TSBP1: variants seen among roughly 807,000 people sequenced by gnomAD.
The protein encoded by TSBP1 is testis expressed basic protein 1.
TSBP1 carries 56 observed loss-of-function variants against 68.8 expected under a neutral mutation model. That is an observed-to-expected ratio of 0.81 (90% CI 0.66 to 1.02). TSBP1 has a LOEUF of 1.02. Ranked by LOEUF, TSBP1 falls within the 50% of genes least tolerant of loss-of-function variation. The pLI, the probability that TSBP1 is intolerant of heterozygous loss-of-function variation, is 0.00. For synonymous variants in TSBP1, 171 were observed against 208.7 expected, an observed-to-expected ratio of 0.82 and a Z score of 1.56; for missense variants, 502 against 641.2, an observed-to-expected ratio of 0.78 and a Z score of 2.34.
intron 16 of TSBP1, chr6:32,324,810 A>G: frequency 3.2e-6 from 4 of 1,266,530 alleles, no homozygotes; most frequent in Non-Finnish European, 4.3e-6. Flanking sequence ...AAGGCACTAG[A>G]AATTTCCAGA....
chr6:32,309,081 C>G (rs1422315413), intron 19 of TSBP1, among the ~76,000 whole-genome samples: 1 of 151,292 alleles, frequency 6.6e-6, no homozygotes, highest in Non-Finnish European at 1.5e-5. Flanking sequence ...TACTGAGTAG[C>G]TGTGACTACA....
chr6:32,369,636 T>G (rs1774166674), intron 2 of TSBP1, among the ~76,000 whole-genome samples: 1 of 152,028 alleles, frequency 6.6e-6, no homozygotes, highest in African/African-American at 2.4e-5. Flanking sequence ...CCCAAAGTGC[T>G]GGGATTACAG....
chr6:32,316,384 T>G lies in TSBP1; in HGVS notation c.560-592A>C, dbSNP rs1766955716. On this transcript the variant is annotated intron_variant, in intron 18 of 22. Coordinates refer to ENST00000612031, the Ensembl canonical transcript of TSBP1. This position sits in a 1 kb window ranked among gnomAD's most constrained non-coding sequence, Gnocchi z 4.5. ...GAGAACCAAAGTAGAAAAAGACATGTAATACTTACTTATAGGTGCTGCCAG... is the reference window on the plus strand; with the variant it reads ...GAGAACCAAAGTAGAAAAAGACATGGAATACTTACTTATAGGTGCTGCCAG... 1 of 1,570,792 alleles carries G rather than the reference T, an allele frequency of 6.4e-7. No homozygotes were observed. The highest frequency in any genetic ancestry group is 8.7e-7 in the Non-Finnish European group (1 of 1,155,672).
intron 9 of TSBP1, among the ~76,000 whole-genome samples, chr6:32,345,575 A>G: frequency 6.6e-6 from 1 of 151,770 alleles, no homozygotes; most frequent in Non-Finnish European, 1.5e-5. Context: ...AGGATTTATA[A>G]TATCTACTTT....
chr6:32,356,717 C>T (rs878915024), intron 6 of TSBP1: 4 of 140,690 alleles, frequency 2.8e-5, no homozygotes, highest in African/African-American at 1.2e-4. Flanking sequence ...AAGACTCTGT[C>T]TCAATGAAAA....
chr6:32,365,835 CAAT>C lies in TSBP1; in HGVS notation c.217+329_217+331del, dbSNP rs1773637390. The C allele has an allele frequency of 4.5e-6, 2 of 448,398 alleles. No homozygotes were observed. Among genetic ancestry groups the C allele is most frequent in the Non-Finnish European group, 8.7e-6 (2 of 230,468 alleles). The allele number at this position is 448,398 out of a possible 1,614,324, so 27.8% of individuals were successfully genotyped here. A position where few individuals can be genotyped will look rare whatever the true frequency, so the allele number is the denominator to read the frequency against. ...TCTCTGCTGGACTCCTGGACTCCCACAATGGTATTGTCTCATCTGTGGATAGTT... is the reference window on the plus strand; with the variant it reads ...TCTCTGCTGGACTCCTGGACTCCCACGGTATTGTCTCATCTGTGGATAGTT... On this transcript the variant is annotated intron_variant, in intron 6 of 22. Coordinates refer to ENST00000612031, the Ensembl canonical transcript of TSBP1. The surrounding 1 kb of genome is among the most constrained non-coding windows in gnomAD (Gnocchi z 4.3).
intron 6 of TSBP1, among the ~76,000 whole-genome samples, chr6:32,362,417 A>T (rs1255011035): frequency 6.6e-6 from 1 of 152,200 alleles, no homozygotes; most frequent in Non-Finnish European, 1.5e-5. Flanking sequence ...CTTGCGCCAC[A>T]TGCGCCCCCT....
chr6:32,330,234 C>A (rs1768803325), intron 16 of TSBP1, among the ~76,000 whole-genome samples: 1 of 152,112 alleles, frequency 6.6e-6, no homozygotes. Context: ...TTTCTCATTT[C>A]CTCCTCATTG....
intron 4 of TSBP1, among the ~76,000 whole-genome samples, chr6:32,366,814 T>G (rs915090735): frequency 7.1e-6 from 1 of 140,768 alleles, no homozygotes; most frequent in African/African-American, 2.5e-5. Context: ...ATCCAACTAC[T>G]AAAAGATTTG....
At position 32,349,737 on chromosome 6, in the gene TSBP1, T is replaced by TA; in HGVS notation, c.349+2dup. The TA allele has an allele frequency of 1.3e-6, 2 of 1,565,916 alleles. No homozygotes were observed. The highest frequency in any genetic ancestry group is 1.8e-6 in the Non-Finnish European group (2 of 1,137,458). ...AGAATTGAAGAAAAGTAAAGGAACT[T>TA]ACCAATACTTGATCGAGACAGTGCT... On this transcript the variant is annotated splice_region_variant and intron_variant, in intron 9 of 22. Coordinates refer to ENST00000612031, the Ensembl canonical transcript of TSBP1.
intron 4 of TSBP1, among the ~76,000 whole-genome samples, 200 bp downstream of exon 4, chr6:32,367,725 C>A (rs1773916383): frequency 6.6e-6 from 1 of 152,028 alleles, no homozygotes; most frequent in African/African-American, 2.4e-5. Flanking sequence ...TTTTGATGGT[C>A]TTAAGAAGGA....
intron 3 of TSBP1, 42 bp downstream of exon 3, chr6:32,368,740 A>G (rs6903816): frequency 0.23 from 348,319 of 1,515,902 alleles, 45,857 homozygotes; most frequent in East Asian, 0.48. Context: ...TGAAAATTCT[A>G]TAAGTACTAT....
chr6:32,340,258 GA>G lies in TSBP1; in HGVS notation c.350-621del, dbSNP rs1770183616. On this transcript the variant is annotated intron_variant, in intron 9 of 22. Coordinates refer to ENST00000612031, the Ensembl canonical transcript of TSBP1. The surrounding 1 kb of genome is among the most constrained non-coding windows in gnomAD (Gnocchi z 4.8). ...ATAACCAATCATATTTTAAGATGTT[GA>G]AAATTTTGCAATTTTTTTTCTTAAA... is the stretch of plus-strand genomic sequence containing the variant. Among the ~76,000 whole-genome samples, 2 of 152,006 alleles carry G rather than the reference GA, an allele frequency of 1.3e-5. No homozygotes were observed. Among genetic ancestry groups the G allele is most frequent in the South Asian group, 4.2e-4 (2 of 4,816 alleles).
chr6:32,312,408 C>T (rs769524821), intron 19 of TSBP1, among the ~76,000 whole-genome samples: 29 of 152,018 alleles, frequency 1.9e-4, no homozygotes, highest in Non-Finnish European at 3.1e-4. Context: ...GTGCCTGAGA[C>T]GGGCCATTAG....
chr6:32,317,995 AAC>A (rs1767158979), intron 18 of TSBP1, among the ~76,000 whole-genome samples: 1 of 152,172 alleles, frequency 6.6e-6, no homozygotes, highest in Non-Finnish European at 1.5e-5. Context: ...ATCATAAAGA[AAC>A]ACACGTGTGT....
In TSBP1 at chr6:32,321,274, C is replaced by CT. The variant is rs773410244; in HGVS notation, c.559+1842dup. Among the ~76,000 whole-genome samples, 95 of 152,132 alleles carry CT rather than the reference C, an allele frequency of 6.2e-4. No individual in the cohort carries two copies. The highest frequency in any genetic ancestry group is 1.1e-3 in the Non-Finnish European group (72 of 67,978). ...TATAATCCCTAGTTACTTTTGCGTG[C>CT]TTTTTTTCATCCCCTCTACTAGGAT... is the stretch of plus-strand genomic sequence containing the variant. On this transcript the variant is annotated intron_variant, in intron 18 of 22. Coordinates refer to ENST00000612031, the Ensembl canonical transcript of TSBP1. The surrounding 1 kb of genome is among the most constrained non-coding windows in gnomAD (Gnocchi z 4.3).
chr6:32,332,760 C>G (rs1769193366), intron 14 of TSBP1, among the ~76,000 whole-genome samples: 1 of 152,016 alleles, frequency 6.6e-6, no homozygotes, highest in Non-Finnish European at 1.5e-5. Context: ...CAGCTGCATG[C>G]CACTATTCCT....
In TSBP1 at chr6:32,315,814, A is replaced by T; in HGVS notation, c.560-22T>A. The T allele has an allele frequency of 6.9e-7, 1 of 1,449,882 alleles. No individual in the cohort carries two copies. Among genetic ancestry groups the T allele is most frequent in the South Asian group, 1.2e-5 (1 of 80,230 alleles). The allele number at this position is 1,449,882 out of a possible 1,614,324, so 89.8% of individuals were successfully genotyped here. A position where few individuals can be genotyped will look rare whatever the true frequency, so the allele number is the denominator to read the frequency against. On this transcript the variant is annotated intron_variant, in intron 18 of 22. Coordinates refer to ENST00000612031, the Ensembl canonical transcript of TSBP1. The surrounding 1 kb of genome is among the most constrained non-coding windows in gnomAD (Gnocchi z 5.4). ...ATTACTAAAAAATAAGCAAAAAGAAATCCATTTAATTTTTCTCAAATGGAG... is the reference window on the plus strand; with the variant it reads ...ATTACTAAAAAATAAGCAAAAAGAATTCCATTTAATTTTTCTCAAATGGAG...
chr6:32,355,033 A>T, intron 8 of TSBP1, 91 bp downstream of exon 8: 1 of 1,065,300 alleles, frequency 9.4e-7, no homozygotes. Context: ...ACTTAATTTT[A>T]AAAACTTTCT....
Sources: gnomAD v4.1 joint callset for allele counts (sites outside exome capture counted in the v4.1 genomes callset) on GRCh38, gnomAD v4.1.1 for gene constraint, Gnocchi (gnomAD v3.1) non-coding constraint, MANE v1.5 for transcripts, NCBI Gene and HGNC (gene_info 2026-07-23, HGNC 2026-07-21) for gene names.